Variants in PARD3 observed in about 807,000 individuals in gnomAD.
The protein encoded by PARD3 is partitioning defective 3 homolog.
PARD3 carries 75 observed loss-of-function variants against 155.4 expected under a neutral mutation model. The observed-to-expected ratio is 0.48, with a 90% CI of 0.40 to 0.58. The LOEUF (loss-of-function observed/expected upper bound fraction) is 0.58, where lower values mean the gene tolerates loss of function less well. Among genes scored for constraint, PARD3 ranks in the 20% least tolerant of loss-of-function variants. The pLI is 0.00. For synonymous variants in PARD3, 576 were observed against 610.5 expected (o/e 0.94, Z 0.83); for missense variants, 1,642 against 1,721.7 (o/e 0.95, Z 0.82).
intron 19 of PARD3, among the ~76,000 whole-genome samples, chr10:34,328,095 G>A (rs1339888663): frequency 2.6e-5 from 4 of 152,152 alleles, no homozygotes; most frequent in African/African-American, 4.8e-5. Flanking sequence ...GTGCCTTCGC[G>A]TCTTCAGTTT....
intron 2 of PARD3, among the ~76,000 whole-genome samples, chr10:34,565,368 A>G (rs949464653): frequency 1.4e-4 from 20 of 145,576 alleles, no homozygotes; most frequent in African/African-American, 4.7e-4. Flanking sequence ...CCTGGGTTCA[A>G]GCGATTCTCT....
At chr10:34,276,988 A>G (rs939674337) in intron 21 of PARD3, among the ~76,000 whole-genome samples, 7 of 152,208 alleles carry the variant, frequency 4.6e-5, no homozygotes, top group African/African-American at 1.7e-4. Context: ...AGATTGCTAC[A>G]TATCAGATAG....
At chr10:34,318,087 G>A (rs3781127) in intron 19 of PARD3, among the ~76,000 whole-genome samples, 90,521 of 152,088 alleles carry the variant, frequency 0.6, 29,042 homozygotes, top group African/African-American at 0.85. Flanking sequence ...TAAAAGATCT[G>A]CTTAGTGATA....
intron 2 of PARD3, among the ~76,000 whole-genome samples, chr10:34,670,240 G>T (rs908866360): frequency 6.6e-6 from 1 of 152,230 alleles, no homozygotes; most frequent in Non-Finnish European, 1.5e-5. Context: ...CTCAGAACTT[G>T]AGAAGCCTCA....
chr10:34,384,672 T>A (rs368983485), intron 7 of PARD3, among the ~76,000 whole-genome samples: 11 of 152,198 alleles, frequency 7.2e-5, no homozygotes, highest in African/African-American at 2.4e-4. Context: ...CCCATCTTTC[T>A]GTGAAAGTAA....
intron 2 of PARD3, among the ~76,000 whole-genome samples, chr10:34,690,956 T>C (rs1398507507): frequency 1.3e-5 from 2 of 152,178 alleles, no homozygotes; most frequent in African/African-American, 4.8e-5. Flanking sequence ...CTCATGCCTG[T>C]AGTCCCAGCA....
At chr10:34,169,102 T>A (rs987408930) in intron 22 of PARD3, among the ~76,000 whole-genome samples, 1 of 152,200 alleles carries the variant, frequency 6.6e-6, no homozygotes, top group Non-Finnish European at 1.5e-5. Flanking sequence ...CCCCTTTGAA[T>A]AGGAATTAAG....
intron 1 of PARD3, among the ~76,000 whole-genome samples, chr10:34,698,223 T>A (rs932546831): frequency 6.6e-6 from 1 of 152,222 alleles, no homozygotes; most frequent in Non-Finnish European, 1.5e-5. Flanking sequence ...CCAGATGAGA[T>A]CATTATCTGC....
intron 2 of PARD3, among the ~76,000 whole-genome samples, chr10:34,608,271 C>G (rs1043551693): frequency 6.6e-6 from 1 of 152,186 alleles, no homozygotes; most frequent in Non-Finnish European, 1.5e-5. Flanking sequence ...TGATTTCTGC[C>G]TCGCTCTTCC....
chr10:34,349,580 T>TAAAAA lies in PARD3; in HGVS notation c.2068-1470_2068-1466dup. On this transcript the variant is annotated intron_variant, in intron 14 of 24. Coordinates refer to ENST00000374788, the MANE Select transcript of PARD3 (RefSeq NM_001184785.2). ...TAAATTCCAAGAGACTCTGGGAAAG[T>TAAAAA]AAAAAAAAAAAAAAAAAAAAAAAAA... 1.4e-3 allele frequency among the ~76,000 whole-genome samples: 62 copies of TAAAAA among 44,710 alleles called. 1 individual carries two copies. The highest frequency in any genetic ancestry group is 5.2e-3 in the African/African-American group (46 of 8,888). The allele number at this position is 44,710 out of a possible 152,430, so 29.3% of individuals were successfully genotyped here.
At chr10:34,528,731 G>A (rs999021812) in intron 2 of PARD3, among the ~76,000 whole-genome samples, 4 of 152,198 alleles carry the variant, frequency 2.6e-5, no homozygotes, top group East Asian at 1.9e-4. Context: ...TGAAAACTGC[G>A]GGGTGTCATT....
intron 5 of PARD3, among the ~76,000 whole-genome samples, chr10:34,406,497 T>C (rs1157673206): frequency 6.6e-6 from 1 of 152,142 alleles, no homozygotes; most frequent in East Asian, 1.9e-4. Context: ...TACATCTCCA[T>C]GAGAAAAAAA....
Position 34,791,733 on chromosome 10 carries a change from G to A in PARD3, c.120+23143C>T, listed in dbSNP as rs7074701. ...TTAGTCACTGTAGTCCTAGCACTTC[G>A]AGTGGCAGAAGTGGGAGGACCACTG... On this transcript the variant is annotated intron_variant, in intron 1 of 24. Transcript: ENST00000374788. 2.0e-5 allele frequency among the ~76,000 whole-genome samples: 3 copies of A among 151,680 alleles called. No individual in the cohort carries two copies. In the East Asian group the frequency reaches 5.8e-4, roughly 30 times the overall value.
chr10:34,532,698 A>G (rs999697321), intron 2 of PARD3, among the ~76,000 whole-genome samples: 6 of 152,238 alleles, frequency 3.9e-5, no homozygotes, highest in African/African-American at 1.4e-4. Context: ...TTAAATATCA[A>G]TGAGCATTTC....
At chr10:34,327,531 C>T (rs1483411741) in intron 19 of PARD3, among the ~76,000 whole-genome samples, 1 of 152,172 alleles carries the variant, frequency 6.6e-6, no homozygotes, top group Non-Finnish European at 1.5e-5. Flanking sequence ...CTGACAAAAG[C>T]AATCAACCAT....
At chr10:34,523,630 A>G (rs2082291709) in intron 2 of PARD3, among the ~76,000 whole-genome samples, 1 of 152,234 alleles carries the variant, frequency 6.6e-6, no homozygotes, top group Admixed American at 6.5e-5. Context: ...TGTTTGAGAG[A>G]TGACAGGGAG....
intron 22 of PARD3, among the ~76,000 whole-genome samples, chr10:34,237,124 CT>C (rs948919821): frequency 6.6e-6 from 1 of 152,158 alleles, no homozygotes; most frequent in Non-Finnish European, 1.5e-5. Flanking sequence ...TGTCTGTAAA[CT>C]CTTAACCACA....
At chr10:34,688,905 T>G (rs1008086966) in intron 2 of PARD3, among the ~76,000 whole-genome samples, 1 of 152,214 alleles carries the variant, frequency 6.6e-6, no homozygotes, top group Non-Finnish European at 1.5e-5. Context: ...AGTATAAAAT[T>G]TGCATCTTCA....
At position 34,474,655 on chromosome 10, in the gene PARD3, G is replaced by C. The variant is rs1193995805; in HGVS notation, c.404-4392C>G. 1.1e-3 allele frequency among the ~76,000 whole-genome samples: 166 copies of C among 152,206 alleles called. 1 individual carries two copies. Among genetic ancestry groups the C allele is most frequent in the Non-Finnish European group, 8.8e-5 (6 of 68,040 alleles). On this transcript the variant is annotated intron_variant, in intron 3 of 24. Coordinates refer to ENST00000374788, the MANE Select transcript of PARD3 (RefSeq NM_001184785.2). ...TCACAGATGAGTAAGCTGAGGCTCA[G>C]AGAGATGACATGAAAAGTCAGTTTT... is the stretch of plus-strand genomic sequence containing the variant.
Sources: allele counts gnomAD v4.1 joint callset (sites outside exome capture counted in the v4.1 genomes callset), GRCh38; gene constraint gnomAD v4.1.1; transcripts MANE v1.5; gene names NCBI Gene and HGNC (gene_info 2026-07-23, HGNC 2026-07-21).